Variants in HAVCR1 observed in about 807,000 individuals in gnomAD.
HAVCR1 encodes the protein hepatitis A virus cellular receptor 1, also known as T cell immunoglobin domain and mucin domain protein 1.
HAVCR1 carries 34 observed loss-of-function variants against 32.0 expected under a neutral mutation model. The ratio of observed to expected loss-of-function variants is 1.06; its 90% CI spans 0.81 to 1.42. The LOEUF is 1.42. Ranked by LOEUF, HAVCR1 falls within the 40% of genes most tolerant of loss-of-function variation. HAVCR1 has a pLI of 0.00. For synonymous variants in HAVCR1, 178 were observed against 170.3 expected (o/e 1.05, Z -0.35); for missense variants, 420 against 442.3 (o/e 0.95, Z 0.45).
chr5:157,044,459 G>C (rs1755151369), intron 5 of HAVCR1, among the ~76,000 whole-genome samples: 2 of 64,038 alleles, frequency 3.1e-5, no homozygotes, highest in South Asian at 1.2e-3. Context: ...AAGAAAGAAA[G>C]AAAGAAAGAA....
intron 6 of HAVCR1, among the ~76,000 whole-genome samples, chr5:157,042,147 T>A (rs1359948025): frequency 1.3e-5 from 2 of 152,116 alleles, no homozygotes; most frequent in Non-Finnish European, 2.9e-5. Context: ...AGTAACATAA[T>A]CTCTTTGGGC....
chr5:157,044,422 A>AAGGG (rs57329888), intron 5 of HAVCR1, among the ~76,000 whole-genome samples: 1 of 14,124 alleles, frequency 7.1e-5, no homozygotes, highest in Non-Finnish European at 1.1e-4. Flanking sequence ...GGAAGGAAGG[A>AAGGG]GAAAGAAAGA....
chr5:157,061,703 CA>C (rs35095256), upstream of HAVCR1, among the ~76,000 whole-genome samples: 5 of 147,046 alleles, frequency 3.4e-5, no homozygotes, highest in Admixed American at 6.8e-5. Context: ...TGAGACTTCT[CA>C]AAAAAAAAAA....
the HAVCR1 span, among the ~76,000 whole-genome samples, chr5:157,065,576 C>T: frequency 1.2e-4 from 19 of 152,116 alleles, no homozygotes; most frequent in African/African-American, 4.3e-4. Flanking sequence ...ATTTTAAGGC[C>T]GGGTGTGGCG....
At chr5:157,056,033 C>T (rs1362419961) in intron 2 of HAVCR1, among the ~76,000 whole-genome samples, 1 of 151,472 alleles carries the variant, frequency 6.6e-6, no homozygotes, top group African/African-American at 2.4e-5. Context: ...CACTGCTACC[C>T]CCGCCTCCTG....
upstream of HAVCR1, among the ~76,000 whole-genome samples, chr5:157,062,426 C>A (rs1357490894): frequency 6.6e-6 from 1 of 152,198 alleles, no homozygotes; most frequent in African/African-American, 2.4e-5. Flanking sequence ...TTCTTGCAAT[C>A]ACCACTTACT....
intron 3 of HAVCR1, 37 bp downstream of exon 3, chr5:157,055,164 T>G (rs1367895541): frequency 8.9e-7 from 1 of 1,124,482 alleles, no homozygotes; most frequent in Non-Finnish European, 1.3e-6. Flanking sequence ...AACAGAAAAT[T>G]CAATTAACTA....
the HAVCR1 span, among the ~76,000 whole-genome samples, chr5:157,067,628 C>A: frequency 6.6e-6 from 1 of 152,084 alleles, no homozygotes; most frequent in Admixed American, 6.6e-5. Flanking sequence ...TGATTGCACC[C>A]CTGCATTCCA....
intron 2 of HAVCR1, among the ~76,000 whole-genome samples, chr5:157,057,306 ACT>A (rs1277741562): frequency 1.7e-4 from 26 of 149,668 alleles, no homozygotes; most frequent in African/African-American, 5.9e-4. Context: ...ACAGAGTGAG[ACT>A]CTGTCTCAAA....
intron 2 of HAVCR1, among the ~76,000 whole-genome samples, chr5:157,056,442 T>G (rs556065173): frequency 2.7e-5 from 4 of 149,574 alleles, no homozygotes; most frequent in South Asian, 2.1e-4. Context: ...TGCAGTGGTG[T>G]GATCTCGGCT....
chr5:157,057,451 GAA>G (rs1199589983), intron 2 of HAVCR1, among the ~76,000 whole-genome samples: 7 of 111,974 alleles, frequency 6.3e-5, no homozygotes, highest in African/African-American at 9.4e-5. Flanking sequence ...AAGAAAGAAA[GAA>G]AGAAAGAAAG....
At chr5:157,049,008 C>T in intron 5 of HAVCR1, 30 bp downstream of exon 5, 3 of 1,244,224 alleles carry the variant, frequency 2.4e-6, no homozygotes, top group Non-Finnish European at 3.6e-6. Flanking sequence ...TTGAATGATC[C>T]CAGGTCTTCA....
intron 4 of HAVCR1, 70 bp from the exon 5 acceptor site, chr5:157,049,215 A>G (rs1172401485): frequency 1.0e-6 from 1 of 967,752 alleles, no homozygotes; most frequent in Non-Finnish European, 1.7e-6. Context: ...AAAATAAAGA[A>G]CAAAACTAGA....
chr5:157,029,702 G>A lies in HAVCR1; in HGVS notation c.*31C>T. ...GTCTGTTCAGTCTTCTGCACTCATG[G>A]GCGTAAACTCTCAAAGAGCACCACT... On this transcript the variant is annotated 3_prime_UTR_variant, in exon 9 of 9. Transcript: ENST00000523175. The A allele has an allele frequency of 8.7e-6, 14 of 1,612,194 alleles. No homozygotes were observed. The highest frequency in any genetic ancestry group is 1.2e-5 in the Non-Finnish European group (14 of 1,179,856).
chr5:157,044,464 AAAGAAAGGAAGGAAGGAAGGAAGG>A (rs1755155262), intron 5 of HAVCR1, among the ~76,000 whole-genome samples: 2 of 77,240 alleles, frequency 2.6e-5, no homozygotes, highest in South Asian at 4.9e-4. Flanking sequence ...AGAAAGAAAG[AAAGAAAGGAAGGAAGGAAGGAAGG>A]AAGGAAGGAA....
chr5:157,044,670 A>AAAGG (rs1291428606), intron 5 of HAVCR1, among the ~76,000 whole-genome samples: 7 of 80,650 alleles, frequency 8.7e-5, no homozygotes, highest in African/African-American at 2.3e-4. Context: ...AGAAAGAAAG[A>AAAGG]AAGAAAGGAG....
At chr5:157,057,863 TC>T in intron 2 of HAVCR1, 34 bp downstream of exon 2, 2 of 1,527,460 alleles carry the variant, frequency 1.3e-6, no homozygotes, top group Non-Finnish European at 1.8e-6. Context: ...CCCCCTCTAC[TC>T]CCTTCTTCCC....
intron 8 of HAVCR1, among the ~76,000 whole-genome samples, chr5:157,031,470 C>T (rs1754167268): frequency 6.6e-6 from 1 of 152,106 alleles, no homozygotes; most frequent in Non-Finnish European, 1.5e-5. Flanking sequence ...TAGTTGTCTC[C>T]TACCACTACA....
At chr5:157,053,598 G>A (rs1055934677) in intron 3 of HAVCR1, among the ~76,000 whole-genome samples, 3 of 152,176 alleles carry the variant, frequency 2.0e-5, no homozygotes, top group African/African-American at 7.2e-5. Flanking sequence ...GGCCGGGCGC[G>A]GCAGCTCACG....
Sources: gnomAD v4.1 joint callset for allele counts (sites outside exome capture counted in the v4.1 genomes callset) on GRCh38, gnomAD v4.1.1 for gene constraint, MANE v1.5 for transcripts, NCBI Gene and HGNC (gene_info 2026-07-23, HGNC 2026-07-21) for gene names.